Variants in PSPC1 observed in about 807,000 individuals in gnomAD.
PSPC1 encodes paraspeckle protein 1.
A neutral mutation model predicts 51.6 loss-of-function variants in PSPC1; 14 were observed. That is an observed-to-expected ratio of 0.27 (90% CI 0.18 to 0.42). PSPC1 has a LOEUF of 0.42. PSPC1 is among the 10% of genes least tolerant of loss of function. The probability of loss-of-function intolerance (pLI) is 1.00; values close to 1 mark genes in which losing one functional copy is unlikely to be tolerated. For missense variants in PSPC1, 406 were observed against 701.1 expected, an observed-to-expected ratio of 0.58 and a Z score of 4.75; for synonymous variants, 193 against 231.9, an observed-to-expected ratio of 0.83 and a Z score of 1.53.
At chr13:19,720,856 G>A (rs1235448887) in intron 6 of PSPC1, among the ~76,000 whole-genome samples, 1 of 152,034 alleles carries the variant, frequency 6.6e-6, no homozygotes, top group Non-Finnish European at 1.5e-5. Context: ...ACTTTGAATT[G>A]TAAAAGTCTT....
At chr13:19,756,982 T>C (rs1311193447) in intron 3 of PSPC1, among the ~76,000 whole-genome samples, 1 of 151,696 alleles carries the variant, frequency 6.6e-6, no homozygotes, top group Non-Finnish European at 1.5e-5. Flanking sequence ...ACAAAAAAAT[T>C]AGCCGGGCAT....
At chr13:19,753,719 GAGA>G (rs1886794086) in intron 3 of PSPC1, among the ~76,000 whole-genome samples, 1 of 152,134 alleles carries the variant, frequency 6.6e-6, no homozygotes, top group African/African-American at 2.4e-5. Flanking sequence ...AAATCTAGGA[GAGA>G]AGAAGGCTGT....
chr13:19,680,581 A>G (rs188647857), intron 6 of PSPC1, among the ~76,000 whole-genome samples: 45 of 152,324 alleles, frequency 3.0e-4, no homozygotes, highest in African/African-American at 1.0e-3. Context: ...GAAGAACAGC[A>G]TCTCCATCAA....
intron 6 of PSPC1, among the ~76,000 whole-genome samples, chr13:19,690,797 T>G (rs1040733244): frequency 3.9e-5 from 6 of 152,224 alleles, no homozygotes; most frequent in African/African-American, 1.4e-4. Context: ...CCATTCCAAC[T>G]TTCTTCTCTT....
At chr13:19,701,367 A>C (rs1426353652), downstream of PSPC1, among the ~76,000 whole-genome samples, 2 of 151,232 alleles carry the variant, frequency 1.3e-5, no homozygotes, top group African/African-American at 4.9e-5. Context: ...TCACTGAAAA[A>C]CTGTAATCAA....
At chr13:19,749,215 G>A (rs1886286951) in intron 4 of PSPC1, among the ~76,000 whole-genome samples, 1 of 152,100 alleles carries the variant, frequency 6.6e-6, no homozygotes, top group Non-Finnish European at 1.5e-5. Flanking sequence ...GAGTGTAGAG[G>A]CATACACTTG....
At chr13:19,771,224 G>A (rs1453913122) in intron 2 of PSPC1, among the ~76,000 whole-genome samples, 1 of 151,936 alleles carries the variant, frequency 6.6e-6, no homozygotes, top group Non-Finnish European at 1.5e-5. Context: ...TGCAACCTCC[G>A]CCCCCCGGGT....
At chr13:19,765,515 T>G (rs1889163) in intron 2 of PSPC1, among the ~76,000 whole-genome samples, 1 of 50,486 alleles carries the variant, frequency 2.0e-5, no homozygotes. Flanking sequence ...TTTTTTTTTT[T>G]TGAGAGACGG....
chr13:19,711,204 T>A (rs1341129259), intron 6 of PSPC1, among the ~76,000 whole-genome samples: 3 of 152,172 alleles, frequency 2.0e-5, no homozygotes, highest in Non-Finnish European at 4.4e-5. Context: ...CATTAATGGA[T>A]ACTATTGCTG....
intron 4 of PSPC1, among the ~76,000 whole-genome samples, chr13:19,746,536 C>T (rs925489635): frequency 2.0e-5 from 3 of 151,712 alleles, no homozygotes; most frequent in Non-Finnish European, 4.4e-5. Flanking sequence ...GCCAGCCTGG[C>T]CAACATGGCA....
At chr13:19,719,999 A>G (rs1432554436) in intron 6 of PSPC1, among the ~76,000 whole-genome samples, 1 of 152,194 alleles carries the variant, frequency 6.6e-6, no homozygotes, top group African/African-American at 2.4e-5. Context: ...TTTGTAATGC[A>G]TACACCTGAG....
At chr13:19,689,880 A>C (rs769937955) in intron 6 of PSPC1, among the ~76,000 whole-genome samples, 6 of 152,232 alleles carry the variant, frequency 3.9e-5, no homozygotes, top group Non-Finnish European at 7.3e-5. Flanking sequence ...GTAATGTTTT[A>C]AATTCCTATA....
At chr13:19,700,891 T>G (rs573893236), downstream of PSPC1, among the ~76,000 whole-genome samples, 263 of 152,134 alleles carry the variant, frequency 1.7e-3, no homozygotes, top group Non-Finnish European at 3.0e-3. Context: ...AAATCTTCCT[T>G]GGTATACTAA....
intron 6 of PSPC1, among the ~76,000 whole-genome samples, chr13:19,710,362 A>G (rs1220494733): frequency 6.6e-6 from 1 of 152,214 alleles, no homozygotes; most frequent in Admixed American, 6.5e-5. Flanking sequence ...ATTAACTTCA[A>G]TGAAATCTCT....
intron 6 of PSPC1, among the ~76,000 whole-genome samples, chr13:19,690,885 T>C (rs992668345): frequency 5.9e-5 from 9 of 152,166 alleles, no homozygotes; most frequent in African/African-American, 2.2e-4. Flanking sequence ...TGCTGGCTAT[T>C]CTTACTCTGA....
downstream of PSPC1, among the ~76,000 whole-genome samples, chr13:19,671,471 G>A (rs182986534): frequency 3.6e-3 from 553 of 152,216 alleles, 4 homozygotes; most frequent in Middle Eastern, 0.01. Context: ...ATAATAATGC[G>A]GCAGGAAAAG....
chr13:19,724,707 T>C (rs61225164), intron 6 of PSPC1, among the ~76,000 whole-genome samples: 13,054 of 151,988 alleles, frequency 0.086, 599 homozygotes, highest in Middle Eastern at 0.13. Context: ...ACAAAAACTT[T>C]GCCGAGCGTG....
chr13:19,714,652 G>A (rs768825005), intron 6 of PSPC1, among the ~76,000 whole-genome samples: 2 of 151,792 alleles, frequency 1.3e-5, no homozygotes, highest in Non-Finnish European at 2.9e-5. Flanking sequence ...ATACCATCAC[G>A]CCCAGATAAT....
chr13:19,704,317 C>G (rs951351258), intron 8 of PSPC1, among the ~76,000 whole-genome samples: 3 of 151,956 alleles, frequency 2.0e-5, no homozygotes, highest in African/African-American at 7.3e-5. Flanking sequence ...ACTGCCTCAT[C>G]TCCCTGTATA....
Sources: allele counts gnomAD v4.1 joint callset (sites outside exome capture counted in the v4.1 genomes callset), GRCh38; gene constraint gnomAD v4.1.1; transcripts MANE v1.5; gene names NCBI Gene and HGNC (gene_info 2026-07-23, HGNC 2026-07-21).